Variants in UBR2 observed in about 807,000 individuals in gnomAD.
UBR2 encodes ubiquitin protein ligase E3 component n-recognin 2.
A neutral mutation model predicts 247.9 loss-of-function variants in UBR2; 92 were observed. That is an observed-to-expected ratio of 0.37 (90% CI 0.31 to 0.44). UBR2 has a LOEUF of 0.44. Among genes scored for constraint, UBR2 ranks in the 20% least tolerant of loss-of-function variants. The probability of loss-of-function intolerance (pLI) is 1.00; values close to 1 mark genes in which losing one functional copy is unlikely to be tolerated. For synonymous variants in UBR2, 672 were observed against 693.5 expected, an observed-to-expected ratio of 0.97 and a Z score of 0.49; for missense variants, 1,613 against 2,112.6, an observed-to-expected ratio of 0.76 and a Z score of 4.64.
chr6:42,606,813 T>TGATA (rs1793733620), intron 7 of UBR2, among the ~76,000 whole-genome samples, 162 bp downstream of exon 7: 1 of 152,222 alleles, frequency 6.6e-6, no homozygotes. Flanking sequence ...TTATCTAGTT[T>TGATA]TTTAAAGCTG....
chr6:42,680,470 G>A (rs1447696005), intron 42 of UBR2, among the ~76,000 whole-genome samples: 2 of 152,030 alleles, frequency 1.3e-5, no homozygotes, highest in African/African-American at 4.8e-5. Flanking sequence ...TAAGAGATGG[G>A]GTTTTGCCAT....
rs951661465 is a variant in UBR2 at position 42,635,485 on chromosome 6, T to G, written c.1613T>G (p.Phe538Cys). Residue 538 changes from phenylalanine (F) to cysteine (C), a missense_variant, in exon 14 of 47, where the codon TTC becomes TGC. Physicochemically the swap from Phe to Cys is radical, Grantham distance 205. This residue lies in a region of UBR2 where 1,524 missense variants were observed against 1,967.3 expected (regional missense o/e 0.77). Coordinates refer to ENST00000372901, the MANE Select transcript of UBR2 (RefSeq NM_001363705.2). ...ATGGAACCAGAGTGGGAAGCAGCCT[T>G]CACACTACAAATGAAATTAACACAT... is the stretch of plus-strand genomic sequence containing the variant. ...IEMEPEWEAA[F>C]TLQMKLTHVI... 2.1e-5 allele frequency: 34 copies of G among 1,613,696 alleles called. No individual in the cohort carries two copies. The highest frequency in any genetic ancestry group is 2.8e-5 in the Non-Finnish European group (33 of 1,179,772).
At chr6:42,586,796 C>T (rs1582460455) in intron 2 of UBR2, among the ~76,000 whole-genome samples, 1 of 146,568 alleles carries the variant, frequency 6.8e-6, no homozygotes, top group African/African-American at 2.5e-5. Context: ...TTTTCTGCTT[C>T]TTGTCATATA....
chr6:42,663,136 TA>T, intron 31 of UBR2, 121 bp from the exon 32 acceptor site: 1 of 781,198 alleles, frequency 1.3e-6, no homozygotes, highest in Non-Finnish European at 1.8e-6. Context: ...AAAAATAATT[TA>T]GTTTAAGATT....
chr6:42,612,354 A>G, intron 8 of UBR2, 63 bp downstream of exon 8: 1 of 1,395,488 alleles, frequency 7.2e-7, no homozygotes, highest in South Asian at 1.9e-5. Context: ...CTGTTGCAAA[A>G]CTGTTTTGGG....
At chr6:42,643,045 T>C (rs1439159293) in intron 18 of UBR2, among the ~76,000 whole-genome samples, 1 of 152,136 alleles carries the variant, frequency 6.6e-6, no homozygotes, top group Non-Finnish European at 1.5e-5. Flanking sequence ...TAGCATTACT[T>C]CCTCCAGGAA....
At chr6:42,613,947 A>G (rs187950283) in intron 8 of UBR2, among the ~76,000 whole-genome samples, 7 of 151,300 alleles carry the variant, frequency 4.6e-5, no homozygotes, top group Non-Finnish European at 8.8e-5. Context: ...GGCTAAGGCA[A>G]GTGGGTCACT....
At chr6:42,564,757 T>G (rs991562891) in intron 1 of UBR2, among the ~76,000 whole-genome samples, 2 of 152,194 alleles carry the variant, frequency 1.3e-5, no homozygotes, top group African/African-American at 4.8e-5. Flanking sequence ...CTTCTTGTGT[T>G]TTTGGTATAA....
intron 11 of UBR2, among the ~76,000 whole-genome samples, chr6:42,618,087 A>C (rs965585427): frequency 6.6e-6 from 1 of 152,238 alleles, no homozygotes; most frequent in African/African-American, 2.4e-5. Context: ...GACTTTGAGA[A>C]TGTAACAGTA....
At chr6:42,625,130 T>C (rs1795257221) in intron 11 of UBR2, among the ~76,000 whole-genome samples, 1 of 152,180 alleles carries the variant, frequency 6.6e-6, no homozygotes, top group African/African-American at 2.4e-5. Flanking sequence ...CAAAGGCACT[T>C]TACTCACTTA....
At chr6:42,629,386 G>T (rs1562329958) in intron 11 of UBR2, among the ~76,000 whole-genome samples, 1 of 151,208 alleles carries the variant, frequency 6.6e-6, no homozygotes, top group Non-Finnish European at 1.5e-5. Flanking sequence ...AGGCACAGTG[G>T]CGCACACCTG....
intron 7 of UBR2, among the ~76,000 whole-genome samples, chr6:42,610,642 T>G (rs572238400): frequency 4.4e-4 from 67 of 152,268 alleles, no homozygotes; most frequent in Non-Finnish European, 8.8e-4. Context: ...GTCATATCCA[T>G]AGAAACAGAA....
intron 11 of UBR2, among the ~76,000 whole-genome samples, chr6:42,622,398 T>C (rs1690691050): frequency 6.7e-6 from 1 of 148,544 alleles, no homozygotes; most frequent in African/African-American, 2.5e-5. Context: ...TTTGGGTTTT[T>C]TGGTGGGTTT....
intron 3 of UBR2, among the ~76,000 whole-genome samples, chr6:42,593,132 C>A (rs59775176): frequency 0.023 from 3,551 of 152,166 alleles, 125 homozygotes; most frequent in African/African-American, 0.08. Context: ...TGAGATCACA[C>A]CACTGCACTC....
intron 4 of UBR2, among the ~76,000 whole-genome samples, chr6:42,597,847 C>CAG (rs1054096514): frequency 1.3e-5 from 2 of 151,598 alleles, no homozygotes. Context: ...ACCCGAGAGG[C>CAG]AGAAGTTGTG....
chr6:42,574,779 T>TC (rs1207311899), intron 2 of UBR2, among the ~76,000 whole-genome samples: 2 of 150,628 alleles, frequency 1.3e-5, no homozygotes, highest in African/African-American at 4.9e-5. Flanking sequence ...CACTGCAACC[T>TC]CCACCTGCCA....
At chr6:42,614,419 C>CATGT (rs1562312183) in intron 8 of UBR2, among the ~76,000 whole-genome samples, 6 of 29,358 alleles carry the variant, frequency 2.0e-4, no homozygotes, top group African/African-American at 5.1e-4. Flanking sequence ...TATGTACGTA[C>CATGT]GTACATATAT....
chr6:42,665,424 A>G lies in UBR2; in HGVS notation c.3714A>G (p.Ser1238=), dbSNP rs998865392. 9 of 1,611,940 alleles carry G rather than the reference A, an allele frequency of 5.6e-6. No individual in the cohort carries two copies. Among genetic ancestry groups the G allele is most frequent in the Admixed American group, 1.7e-5 (1 of 59,758 alleles). The change falls in exon 33 of 47, where the codon TCA becomes TCG. Residue 1238 remains serine (S), a synonymous_variant. Transcript: ENST00000372901. The part of the protein sequence containing the change: ...RNIFNNRLNF[S]DQPNLTQWIR... The stretch of plus-strand genomic sequence containing the variant: ...TCTTTTCTAGCAGGTTAAATTTTTC[A>G]GACCAACCAAATCTGACTCAGTGGA...
chr6:42,658,098 G>T lies in UBR2; in HGVS notation c.2947G>T (p.Glu983Ter), dbSNP rs1232432638. ...LETLQNAPYL[E>*]VHKDMIRWIL... The stretch of plus-strand genomic sequence containing the variant: ...AACACTACAAAATGCTCCCTACCTA[G>T]AAGTCCACAAAGACATGATTCGGTG... The change falls in exon 27 of 47, where the codon GAA becomes TAA. Residue 983 changes from glutamate to a stop codon, truncating the protein, a stop_gained. Transcript: ENST00000372901. LOFTEE classifies it high-confidence loss of function. The T allele has an allele frequency of 6.2e-7, 1 of 1,614,026 alleles. No homozygotes were observed. The highest frequency in any genetic ancestry group is 8.5e-7 in the Non-Finnish European group (1 of 1,179,982).
Sources: gnomAD v4.1 joint callset for allele counts (sites outside exome capture counted in the v4.1 genomes callset) on GRCh38, gnomAD v4.1.1 for gene constraint, gnomAD v4.1.1 regional missense constraint, MANE v1.5 for transcripts, NCBI Gene and HGNC (gene_info 2026-07-23, HGNC 2026-07-21) for gene names.